The following ZMYM4 variants were observed in gnomAD, a reference collection of about 807,000 sequenced individuals.
ZMYM4 encodes the protein zinc finger MYM-type protein 4.
In ZMYM4, 31 loss-of-function variants were observed where a neutral mutation model predicts 183.2. The observed-to-expected ratio is 0.17, with a 90% confidence interval of 0.13 to 0.23. The LOEUF is 0.23. Among genes scored for constraint, ZMYM4 ranks in the 10% least tolerant of loss-of-function variants. The pLI is 1.00. For synonymous variants in ZMYM4, 592 were observed against 631.2 expected (o/e 0.94, Z 0.93); for missense variants, 1,273 against 1,840.3 (o/e 0.69, Z 5.64).
intron 22 of ZMYM4, 49 bp downstream of exon 22, chr1:35,399,092 C>T (rs745856417): frequency 3.1e-5 from 49 of 1,568,006 alleles, no homozygotes; most frequent in African/African-American, 5.4e-5. Context: ...TTTAAAAGAT[C>T]GGTACAACTC....
intron 7 of ZMYM4, among the ~76,000 whole-genome samples, chr1:35,373,169 A>C (rs1191422613): frequency 1.3e-5 from 2 of 151,836 alleles, no homozygotes; most frequent in African/African-American, 4.8e-5. Flanking sequence ...AAAAAAAAAG[A>C]AAGAAAATTA....
At chr1:35,299,960 A>G (rs1641203369) in intron 1 of ZMYM4, among the ~76,000 whole-genome samples, 1 of 151,502 alleles carries the variant, frequency 6.6e-6, no homozygotes, top group South Asian at 2.1e-4. Flanking sequence ...ACGCCTGGCT[A>G]TTTTTCTTGT....
At chr1:35,287,162 A>T (rs112641521) in intron 1 of ZMYM4, among the ~76,000 whole-genome samples, 1,606 of 148,654 alleles carry the variant, frequency 0.011, 30 homozygotes, top group African/African-American at 0.032. Context: ...AATAAGTGTT[A>T]TTCCCTCAGC....
chr1:35,291,949 T>G (rs1640783700), intron 1 of ZMYM4, among the ~76,000 whole-genome samples: 2 of 152,066 alleles, frequency 1.3e-5, no homozygotes, highest in Admixed American at 1.3e-4. Context: ...TTGTTACTAT[T>G]TAGCAGGCCC....
chr1:35,397,260 C>T (rs1218901643), intron 19 of ZMYM4, 117 bp from the exon 20 acceptor site: 2 of 1,193,454 alleles, frequency 1.7e-6, no homozygotes, highest in Non-Finnish European at 2.2e-6. Flanking sequence ...TAATCATCAG[C>T]AATGAATATA....
intron 2 of ZMYM4, among the ~76,000 whole-genome samples, chr1:35,342,069 C>T (rs536793014): frequency 6.6e-6 from 1 of 152,120 alleles, no homozygotes; most frequent in Non-Finnish European, 1.5e-5. Flanking sequence ...TCTGAATTCA[C>T]TTTCTTTAAT....
At chr1:35,373,255 C>T (rs201332769) in intron 7 of ZMYM4, among the ~76,000 whole-genome samples, 1 of 148,534 alleles carries the variant, frequency 6.7e-6, no homozygotes, top group Admixed American at 6.7e-5. Flanking sequence ...TATATATATA[C>T]ACACACACCC....
In ZMYM4 at chr1:35,386,997, T is replaced by C. The variant is rs760028941; in HGVS notation, c.1837-6T>C. On this transcript the variant is annotated splice_region_variant and splice_polypyrimidine_tract_variant and intron_variant, in intron 11 of 29. Transcript: ENST00000314607. ...ATTGATACTTTTTGTTGTTTTGTTT[T>C]TCCAGAATTTATTCAACAAACCAAC... is the stretch of plus-strand genomic sequence containing the variant. The C allele has an allele frequency of 1.2e-6, 2 of 1,610,972 alleles. No homozygotes were observed. Among genetic ancestry groups the C allele is most frequent in the Non-Finnish European group, 1.7e-6 (2 of 1,177,690 alleles).
At chr1:35,400,992 A>G (rs1055568990) in intron 23 of ZMYM4, among the ~76,000 whole-genome samples, 1 of 152,240 alleles carries the variant, frequency 6.6e-6, no homozygotes, top group African/African-American at 2.4e-5. Context: ...TGGACAAACT[A>G]CAATTTGTTC....
chr1:35,295,622 G>C (rs1411955402), intron 1 of ZMYM4, among the ~76,000 whole-genome samples: 1 of 152,192 alleles, frequency 6.6e-6, no homozygotes, highest in African/African-American at 2.4e-5. Context: ...AGATTTTCTA[G>C]ATTTGGGGAG....
chr1:35,334,535 T>G (rs909213394), intron 2 of ZMYM4, among the ~76,000 whole-genome samples: 3 of 152,216 alleles, frequency 2.0e-5, no homozygotes, highest in African/African-American at 7.2e-5. Context: ...GCTTTCTCTG[T>G]ATTGTCTAGT....
intron 27 of ZMYM4, among the ~76,000 whole-genome samples, chr1:35,414,706 G>A (rs1454898421): frequency 1.3e-5 from 2 of 152,048 alleles, no homozygotes; most frequent in African/African-American, 4.8e-5. Flanking sequence ...TAAATAGTTG[G>A]GGAAATTTTT....
chr1:35,375,812 A>T (rs1052955189), intron 7 of ZMYM4, among the ~76,000 whole-genome samples: 5 of 152,238 alleles, frequency 3.3e-5, no homozygotes, highest in Non-Finnish European at 5.9e-5. Flanking sequence ...GCAGTGGCTC[A>T]TGCCTGTAAT....
chr1:35,311,423 A>C (rs1641794035), intron 1 of ZMYM4, among the ~76,000 whole-genome samples: 1 of 128,156 alleles, frequency 7.8e-6, no homozygotes, highest in African/African-American at 3.6e-5. Flanking sequence ...ACTCTGTCTC[A>C]AAAAAAAAAA....
intron 24 of ZMYM4, 42 bp downstream of exon 24, chr1:35,405,236 GA>G (rs776157073): frequency 6.2e-7 from 1 of 1,601,460 alleles, no homozygotes; most frequent in South Asian, 1.1e-5. Context: ...TAGGTAGGGG[GA>G]AATATACAGA....
chr1:35,270,157 C>T (rs998674535), intron 1 of ZMYM4, among the ~76,000 whole-genome samples: 2 of 152,084 alleles, frequency 1.3e-5, no homozygotes, highest in African/African-American at 4.8e-5. Context: ...CTCCTAGAAC[C>T]TATTTGCAGA....
At chr1:35,322,227 C>G (rs953965806) in intron 1 of ZMYM4, among the ~76,000 whole-genome samples, 3 of 151,974 alleles carry the variant, frequency 2.0e-5, no homozygotes, top group Non-Finnish European at 4.4e-5. Flanking sequence ...TGGGATAGTA[C>G]TCTTTAATTG....
intron 2 of ZMYM4, among the ~76,000 whole-genome samples, chr1:35,346,758 A>G (rs941725814): frequency 1.3e-5 from 2 of 151,982 alleles, no homozygotes; most frequent in Admixed American, 6.6e-5. Flanking sequence ...TTTCTCTACC[A>G]TAATGCCAGT....
intron 1 of ZMYM4, among the ~76,000 whole-genome samples, chr1:35,270,475 C>T (rs1049841845): frequency 2.0e-5 from 3 of 152,110 alleles, no homozygotes; most frequent in African/African-American, 7.2e-5. Context: ...ACATTGCATT[C>T]CGGACATGCA....
Sources: gnomAD v4.1 joint callset for allele counts (sites outside exome capture counted in the v4.1 genomes callset) on GRCh38, gnomAD v4.1.1 for gene constraint, MANE v1.5 for transcripts, NCBI Gene and HGNC (gene_info 2026-07-23, HGNC 2026-07-21) for gene names.